The following PACSIN2 variants were observed in gnomAD, a reference collection of about 807,000 sequenced individuals.
PACSIN2 encodes protein kinase C and casein kinase substrate in neurons 2.
PACSIN2 carries 25 observed loss-of-function variants against 63.8 expected under a neutral mutation model. The observed-to-expected ratio is 0.39, with a 90% CI of 0.29 to 0.55. PACSIN2 has a LOEUF of 0.55. PACSIN2 is among the 20% of genes least tolerant of loss of function. The pLI is 0.62. For synonymous variants in PACSIN2, 255 were observed against 256.2 expected, an observed-to-expected ratio of 1.00 and a Z score of 0.05; for missense variants, 518 against 646.9, an observed-to-expected ratio of 0.80 and a Z score of 2.16.
At chr22:42,950,356 T>C (rs1386126872) in intron 1 of PACSIN2, among the ~76,000 whole-genome samples, 1 of 4,190 alleles carries the variant, frequency 2.4e-4, no homozygotes, top group Non-Finnish European at 4.1e-4. Context: ...AGGAACAAAT[T>C]GTCTAAATAC....
rs1928180662 is a variant in PACSIN2 at position 42,871,985 on chromosome 22, C to T, written c.1349-516G>A. Reference sequence around the variant, plus strand: ...GTCATACCTGTCATTTTATCCCCAGCACCTGGCTGATGACTTGTGCACGGT... The same window carrying T: ...GTCATACCTGTCATTTTATCCCCAGTACCTGGCTGATGACTTGTGCACGGT... On this transcript the variant is annotated intron_variant, in intron 10 of 10. Transcript: ENST00000263246. This position sits in a 1 kb window ranked among gnomAD's most constrained non-coding sequence, Gnocchi z 5.4. 6.6e-6 allele frequency among the ~76,000 whole-genome samples: 1 copy of T among 152,254 alleles called. No homozygotes were observed. Among genetic ancestry groups the T allele is most frequent in the East Asian group, 1.9e-4 (1 of 5,202 alleles).
Position 42,935,214 on chromosome 22 carries a change from C to T in PACSIN2, c.-77-23057G>A, listed in dbSNP as rs184437835. Among the ~76,000 whole-genome samples the T allele has an allele frequency of 3.1e-3, 473 of 152,126 alleles. 3 individuals carry two copies. Among genetic ancestry groups the T allele is most frequent in the African/African-American group, 0.011 (449 of 41,498 alleles). On this transcript the variant is annotated intron_variant, in intron 1 of 10. Coordinates refer to ENST00000263246, the MANE Select transcript of PACSIN2 (RefSeq NM_001184970.3). ...TGCTGGGATTATAGGCGTGAGCCAC[C>T]GTGCCCAGCCCAGGGCATGAATTTT...
Position 42,876,222 on chromosome 22 carries a change from G to A in PACSIN2, c.1263C>T (p.Asp421=), listed in dbSNP as rs750117821. The change falls in exon 10 of 11, where the codon GAC becomes GAT. Residue 421 remains aspartate, a synonymous_variant. Transcript: ENST00000263246. ...GCACTTCCGTCCCCGAGGTGGCGTC[G>A]TCGTCGAATGGATTCGAGTCCCCAT... ...DANGDSNPFD[D]DATSGTEVRV... 10 of 1,614,100 alleles carry A rather than the reference G, an allele frequency of 6.2e-6. No individual in the cohort carries two copies. The highest frequency in any genetic ancestry group is 5.0e-5 in the Admixed American group (3 of 60,008).
intron 1 of PACSIN2, among the ~76,000 whole-genome samples, chr22:43,005,238 C>T (rs892986672): frequency 6.6e-6 from 1 of 152,214 alleles, no homozygotes; most frequent in African/African-American, 2.4e-5. Flanking sequence ...GATAAGCTAT[C>T]ATTACCAGTA....
intron 2 of PACSIN2, among the ~76,000 whole-genome samples, chr22:42,900,324 C>G (rs1178727809): frequency 6.6e-6 from 1 of 152,170 alleles, no homozygotes; most frequent in Non-Finnish European, 1.5e-5. Flanking sequence ...CCAAAAGGTG[C>G]CACACACTGA....
At chr22:42,909,658 A>C in intron 2 of PACSIN2, 1 of 461,752 alleles carries the variant, frequency 2.2e-6, no homozygotes, top group Non-Finnish European at 4.5e-6. Flanking sequence ...TACTGACATT[A>C]TTGCAGTTGA....
chr22:42,952,032 A>C (rs1009492544), intron 1 of PACSIN2, among the ~76,000 whole-genome samples: 10 of 152,194 alleles, frequency 6.6e-5, no homozygotes, highest in African/African-American at 2.4e-4. Context: ...TTCTTAAGAA[A>C]GCCTTCCCCC....
At chr22:42,951,573 T>C (rs557677123) in intron 1 of PACSIN2, among the ~76,000 whole-genome samples, 169 of 152,278 alleles carry the variant, frequency 1.1e-3, no homozygotes, top group African/African-American at 3.9e-3. Context: ...CATCCCCCGG[T>C]TGGGCTCCTC....
intron 1 of PACSIN2, among the ~76,000 whole-genome samples, chr22:42,993,411 G>C (rs1923183945): frequency 6.6e-6 from 1 of 152,102 alleles, no homozygotes; most frequent in African/African-American, 2.4e-5. Context: ...CTTATCGCCT[G>C]TTCATTATAA....
intron 2 of PACSIN2, among the ~76,000 whole-genome samples, chr22:42,910,454 G>A (rs543199605): frequency 6.6e-6 from 1 of 152,138 alleles, no homozygotes; most frequent in South Asian, 2.1e-4. Context: ...CAGCCTCTCT[G>A]GGGGGGCCAG....
At chr22:42,966,035 T>C (rs771648569) in intron 1 of PACSIN2, among the ~76,000 whole-genome samples, 4 of 152,240 alleles carry the variant, frequency 2.6e-5, no homozygotes, top group Non-Finnish European at 4.4e-5. Flanking sequence ...TTGCAAATCC[T>C]ACTTGTTAGC....
Position 42,882,288 on chromosome 22 carries a change from G to A in PACSIN2, c.802C>T (p.His268Tyr). ...SNVAGYKAIY[H>Y]DLEQSIRAAD... ...GCTCTGATGCTCTGCTCCAGGTCAT[G>A]GTAAATGGCTTTGTAGCTAAATCAG... is the stretch of plus-strand genomic sequence containing the variant. The change falls in exon 7 of 11, where the codon CAT becomes TAT. Residue 268 changes from histidine (H) to tyrosine (Y), a missense_variant. His to Tyr is a moderately conservative substitution (Grantham distance 83). Coordinates refer to ENST00000263246, the MANE Select transcript of PACSIN2 (RefSeq NM_001184970.3). The A allele has an allele frequency of 6.2e-7, 1 of 1,611,750 alleles. No individual in the cohort carries two copies. Among genetic ancestry groups the A allele is most frequent in the African/African-American group, 1.3e-5 (1 of 74,906 alleles).
chr22:42,947,987 G>A (rs1399776888), intron 1 of PACSIN2, among the ~76,000 whole-genome samples: 3 of 152,154 alleles, frequency 2.0e-5, no homozygotes, highest in Non-Finnish European at 1.5e-5. Context: ...CCAACACAGC[G>A]GCCAAGAGCT....
intron 1 of PACSIN2, among the ~76,000 whole-genome samples, chr22:43,009,691 C>T (rs2146930011): frequency 6.6e-6 from 1 of 152,278 alleles, no homozygotes; most frequent in South Asian, 2.1e-4. Context: ...CCTCTGTCAT[C>T]TCATATTCTT....
intron 1 of PACSIN2, among the ~76,000 whole-genome samples, chr22:42,915,891 G>A (rs1295762488): frequency 6.6e-6 from 1 of 152,098 alleles, no homozygotes; most frequent in Admixed American, 6.5e-5. Context: ...AAAGATATCC[G>A]AAGCCCTAAG....
chr22:42,982,884 A>AAAAAAAAAAAAC (rs1922303767), intron 1 of PACSIN2, among the ~76,000 whole-genome samples: 3 of 137,804 alleles, frequency 2.2e-5, no homozygotes, highest in Non-Finnish European at 4.6e-5. Flanking sequence ...AAAAAAAAAA[A>AAAAAAAAAAAAC]AAAAAACAAC....
chr22:43,002,824 C>T (rs1456439844), intron 1 of PACSIN2, among the ~76,000 whole-genome samples: 2 of 152,130 alleles, frequency 1.3e-5, no homozygotes, highest in South Asian at 2.1e-4. Flanking sequence ...AATCTCATTA[C>T]GTCAACAGGA....
At chr22:42,933,613 C>T (rs1304839813) in intron 1 of PACSIN2, among the ~76,000 whole-genome samples, 5 of 152,172 alleles carry the variant, frequency 3.3e-5, no homozygotes, top group East Asian at 1.9e-4. Flanking sequence ...TCAACCGTGG[C>T]GCCTAAAGGG....
intron 1 of PACSIN2, among the ~76,000 whole-genome samples, chr22:43,014,343 CACACACACAGACACACACACACCA>C (rs1324724936): frequency 5.3e-5 from 1 of 18,834 alleles, no homozygotes; most frequent in African/African-American, 3.5e-4. Flanking sequence ...CACACACACA[CACACACACAGACACACACACACCA>C]CCCCCCCCCC....
Sources: gnomAD v4.1 joint callset for allele counts (sites outside exome capture counted in the v4.1 genomes callset) on GRCh38, gnomAD v4.1.1 for gene constraint, Gnocchi (gnomAD v3.1) non-coding constraint, MANE v1.5 for transcripts, NCBI Gene and HGNC (gene_info 2026-07-23, HGNC 2026-07-21) for gene names.